Variants in SCNN1G observed in about 807,000 individuals in gnomAD.
The protein encoded by SCNN1G is epithelial sodium channel subunit gamma.
In SCNN1G, 27 loss-of-function variants were observed where a neutral mutation model predicts 64.6. The ratio of observed to expected loss-of-function variants is 0.42; its 90% confidence interval spans 0.31 to 0.58. The LOEUF (loss-of-function observed/expected upper bound fraction) is 0.58, where lower values mean the gene tolerates loss of function less well. Ranked by LOEUF, SCNN1G falls within the 20% of genes least tolerant of loss-of-function variation. SCNN1G has a pLI of 0.18. For synonymous variants in SCNN1G, 330 were observed against 314.2 expected (o/e 1.05, Z -0.53); for missense variants, 743 against 823.4 (o/e 0.90, Z 1.19).
At chr16:23,202,963 C>T (rs549157123) in intron 6 of SCNN1G, among the ~76,000 whole-genome samples, 2 of 152,124 alleles carry the variant, frequency 1.3e-5, no homozygotes, top group Non-Finnish European at 2.9e-5. Flanking sequence ...AAGGAGAAAA[C>T]CTTGGGGGGT....
chr16:23,215,072 C>A lies in SCNN1G; in HGVS notation c.1570-17C>A, dbSNP rs775689154. On this transcript the variant is annotated splice_polypyrimidine_tract_variant and intron_variant, in intron 12 of 12. Coordinates refer to ENST00000300061, the MANE Select transcript of SCNN1G (RefSeq NM_001039.4). Reference sequence around the variant, plus strand: ...GGGGAGGTTCCTCTTGATGGTGTGGCTTGGCCTGTCTTGCAGATTGAGATG... The same window carrying A: ...GGGGAGGTTCCTCTTGATGGTGTGGATTGGCCTGTCTTGCAGATTGAGATG... 2.1e-5 allele frequency: 34 copies of A among 1,613,870 alleles called. No homozygotes were observed. In the South Asian group the frequency reaches 2.4e-4, roughly 11 times the overall value.
intron 2 of SCNN1G, 25 bp downstream of exon 2, chr16:23,186,613 C>G (rs1266889305): frequency 6.3e-7 from 1 of 1,599,144 alleles, no homozygotes; most frequent in Non-Finnish European, 8.5e-7. Context: ...CAGGGAAACG[C>G]GAGTAGGGAG....
rs72647512 is a variant in SCNN1G at position 23,207,461 on chromosome 16, C to A, written c.1078-2289C>A. ...AAGGCCACTGCTTGGCATCTTTGCA[C>A]CTCTGTGCCCAGCCCAGCCCTGGTG... On this transcript the variant is annotated intron_variant, in intron 6 of 12. Transcript: ENST00000300061. Among the ~76,000 whole-genome samples the A allele has an allele frequency of 4.0e-3, 614 of 152,352 alleles. 2 individuals are homozygous for A. The highest frequency in any genetic ancestry group is 6.4e-3 in the Non-Finnish European group (434 of 68,032).
At chr16:23,188,976 T>A (rs1422208048) in intron 2 of SCNN1G, among the ~76,000 whole-genome samples, 1 of 151,808 alleles carries the variant, frequency 6.6e-6, no homozygotes, top group Non-Finnish European at 1.5e-5. Flanking sequence ...GTGAGCTGGG[T>A]GGAGAAGGAG....
intron 6 of SCNN1G, among the ~76,000 whole-genome samples, chr16:23,204,895 T>A (rs1325739386): frequency 6.6e-6 from 1 of 152,030 alleles, no homozygotes; most frequent in Admixed American, 6.5e-5. Flanking sequence ...TTACTGCCGC[T>A]CTGACCTCCT....
chr16:23,186,248 C>G lies in SCNN1G; in HGVS notation c.-24C>G. The G allele has an allele frequency of 1.9e-6, 3 of 1,613,292 alleles. No homozygotes were observed. Among genetic ancestry groups the G allele is most frequent in the Non-Finnish European group, 2.5e-6 (3 of 1,179,264 alleles). On this transcript the variant is annotated 5_prime_UTR_variant, in exon 2 of 13. Coordinates refer to ENST00000300061, the MANE Select transcript of SCNN1G (RefSeq NM_001039.4). ...TCCAGCACGCCCGTCCTCAGAGTCC[C>G]GTCCTCAAAGTCCCATCCTCGCCAT...
At chr16:23,183,303 G>A (rs1474060784) in intron 1 of SCNN1G, among the ~76,000 whole-genome samples, 1 of 152,230 alleles carries the variant, frequency 6.6e-6, no homozygotes, top group African/African-American at 2.4e-5. Context: ...GACAGCGCCC[G>A]CTCGCTCCGC....
chr16:23,188,156 C>T (rs1006669843), intron 2 of SCNN1G, among the ~76,000 whole-genome samples: 1 of 152,172 alleles, frequency 6.6e-6, no homozygotes, highest in African/African-American at 2.4e-5. Flanking sequence ...ACAGTATTTG[C>T]CCTAGTGGAG....
At chr16:23,213,469 C>G (rs1960114960) in intron 11 of SCNN1G, among the ~76,000 whole-genome samples, 1 of 152,142 alleles carries the variant, frequency 6.6e-6, no homozygotes, top group Non-Finnish European at 1.5e-5. Flanking sequence ...CCAGGCTGGT[C>G]TCGAACTCCT....
At chr16:23,202,697 G>T (rs1455537237) in intron 6 of SCNN1G, among the ~76,000 whole-genome samples, 1 of 152,174 alleles carries the variant, frequency 6.6e-6, no homozygotes, top group African/African-American at 2.4e-5. Flanking sequence ...TAGATTTCAC[G>T]GATATTATAG....
rs1236709104 is a variant in SCNN1G, at chr16:23,189,725, G to C, written c.618+54G>C. On this transcript the variant is annotated intron_variant, in intron 3 of 12. Coordinates refer to ENST00000300061, the MANE Select transcript of SCNN1G (RefSeq NM_001039.4). ...TGCTTAGGGGCATGGGATGGGCTGG[G>C]TCCAGGACTCTTCTCCTTGACCACT... The C allele has an allele frequency of 1.8e-5, 28 of 1,546,788 alleles. No homozygotes were observed. The Admixed American group carries it at 4.5e-4, about 25-fold the overall frequency.
chr16:23,204,350 G>T (rs1257221055), intron 6 of SCNN1G, among the ~76,000 whole-genome samples: 11 of 122,436 alleles, frequency 9.0e-5, no homozygotes, highest in Admixed American at 2.5e-4. Context: ...GAGAGAGAGA[G>T]AGAGAGAGAG....
In SCNN1G at chr16:23,186,649, C is replaced by A. The variant is rs1294488338; in HGVS notation, c.317+61C>A. On this transcript the variant is annotated intron_variant, in intron 2 of 12. Coordinates refer to ENST00000300061, the MANE Select transcript of SCNN1G (RefSeq NM_001039.4). ...CCAGGCCCCCCACAGAGGCCAAAGC[C>A]CCTCCCGAAAGTGACACACTGGCAG... 7.6e-6 allele frequency: 11 copies of A among 1,455,228 alleles called. No homozygotes were observed. The Admixed American group carries it at 1.4e-4, about 18-fold the overall frequency. The allele number at this position is 1,455,228 out of a possible 1,614,324, so 90.1% of individuals were successfully genotyped here. A position where few individuals can be genotyped will look rare whatever the true frequency, so the allele number is the denominator to read the frequency against.
intron 3 of SCNN1G, among the ~76,000 whole-genome samples, chr16:23,190,937 G>C (rs573793208): frequency 7.0e-6 from 1 of 142,032 alleles, no homozygotes; most frequent in African/African-American, 2.6e-5. Flanking sequence ...TCTACCTCCC[G>C]GGTTCAAGTG....
intron 2 of SCNN1G, 62 bp downstream of exon 2, chr16:23,186,650 C>G: frequency 6.9e-7 from 1 of 1,453,222 alleles, no homozygotes; most frequent in Non-Finnish European, 9.6e-7. Context: ...GGCCAAAGCC[C>G]CTCCCGAAAG....
chr16:23,203,521 A>G (rs1310398241), intron 6 of SCNN1G, among the ~76,000 whole-genome samples: 2 of 152,144 alleles, frequency 1.3e-5, no homozygotes, highest in African/African-American at 4.8e-5. Flanking sequence ...CTGTAATCCC[A>G]GCACTTTGGG....
At position 23,215,165 on chromosome 16, in the gene SCNN1G, T is replaced by C. The variant is rs1373759692; in HGVS notation, c.1646T>C (p.Ile549Thr). The change falls in exon 13 of 13, where the codon ATC becomes ACC. Residue 549 changes from isoleucine (I) to threonine (T), a missense_variant. Transcript: ENST00000300061. ...MSCSVVCVIE[I>T]IEVFFIDFFS... The stretch of plus-strand genomic sequence containing the variant: ...TGCTCTGTTGTCTGCGTCATCGAGA[T>C]CATCGAGGTCTTCTTCATTGACTTC... 6.2e-7 allele frequency: 1 copy of C among 1,614,080 alleles called. No individual in the cohort carries two copies. The highest frequency in any genetic ancestry group is 1.3e-5 in the African/African-American group (1 of 75,008).
intron 3 of SCNN1G, 147 bp downstream of exon 3, chr16:23,189,818 T>A: frequency 1.1e-6 from 1 of 892,798 alleles, no homozygotes; most frequent in Admixed American, 1.9e-5. Context: ...ATGCTTGTAA[T>A]CCCAGCGCTT....
chr16:23,192,735 A>C (rs1379906005), intron 4 of SCNN1G, among the ~76,000 whole-genome samples, 193 bp downstream of exon 4: 1 of 152,072 alleles, frequency 6.6e-6, no homozygotes, highest in African/African-American at 2.4e-5. Flanking sequence ...CATGACATAA[A>C]ATCAAAATAT....
Sources: allele counts gnomAD v4.1 joint callset (sites outside exome capture counted in the v4.1 genomes callset), GRCh38; gene constraint gnomAD v4.1.1; transcripts MANE v1.5; gene names NCBI Gene and HGNC (gene_info 2026-07-23, HGNC 2026-07-21).